Variants in TRIM37 observed in about 807,000 individuals in gnomAD.
TRIM37 encodes the protein tripartite motif containing 37.
Under a neutral mutation model 129.8 loss-of-function variants are expected in TRIM37, and 80 were observed. The observed-to-expected ratio is 0.62, with a 90% CI of 0.51 to 0.74. The LOEUF (loss-of-function observed/expected upper bound fraction) is 0.74, where lower values mean the gene tolerates loss of function less well. Ranked by LOEUF, TRIM37 falls within the 30% of genes least tolerant of loss-of-function variation. The pLI is 0.00. For synonymous variants in TRIM37, 389 were observed against 387.1 expected, an observed-to-expected ratio of 1.00 and a Z score of -0.06; for missense variants, 1,054 against 1,176.5, an observed-to-expected ratio of 0.90 and a Z score of 1.52.
intron 7 of TRIM37, among the ~76,000 whole-genome samples, chr17:59,076,546 C>A (rs1195340285): frequency 6.6e-6 from 1 of 152,122 alleles, no homozygotes; most frequent in Non-Finnish European, 1.5e-5. Flanking sequence ...GAGTGAGACC[C>A]TGTCTCAAAT....
chr17:59,041,052 CAA>C (rs959941717), intron 17 of TRIM37, among the ~76,000 whole-genome samples: 3 of 118,698 alleles, frequency 2.5e-5, no homozygotes, highest in Admixed American at 8.7e-5. Flanking sequence ...GACTCCGTCT[CAA>C]AAAAAAAAAA....
At position 58,999,212 on chromosome 17, in the gene TRIM37, A is replaced by G; in HGVS notation, c.*165T>C. 1 of 1,518,768 alleles carries G rather than the reference A, an allele frequency of 6.6e-7. No individual in the cohort carries two copies. Among genetic ancestry groups the G allele is most frequent in the Non-Finnish European group, 8.8e-7 (1 of 1,136,012 alleles). 94.1% of individuals were successfully genotyped at this position (1,518,768 alleles called of 1,614,324 possible). ...TTCCCATGTACTACTGCTGTCTTAGACTAAACTGTGCCACCTTCCAACAGT... is the reference window on the plus strand; with the variant it reads ...TTCCCATGTACTACTGCTGTCTTAGGCTAAACTGTGCCACCTTCCAACAGT... On this transcript the variant is annotated 3_prime_UTR_variant, in exon 24 of 24. Transcript: ENST00000262294.
intron 23 of TRIM37, among the ~76,000 whole-genome samples, chr17:59,000,366 A>T (rs2033541276): frequency 6.6e-6 from 1 of 152,208 alleles, no homozygotes; most frequent in Non-Finnish European, 1.5e-5. Flanking sequence ...TTGGGAGGCC[A>T]AGGTGGGCAG....
At chr17:58,973,162 A>G in the TRIM37 span, among the ~76,000 whole-genome samples, 1 of 152,234 alleles carries the variant, frequency 6.6e-6, no homozygotes, top group Non-Finnish European at 1.5e-5. Context: ...TCATGCCTGT[A>G]ATCCCAACAC....
At chr17:59,029,222 G>GTTCAAGAT (rs2037565662) in intron 18 of TRIM37, among the ~76,000 whole-genome samples, 1 of 152,272 alleles carries the variant, frequency 6.6e-6, no homozygotes, top group Admixed American at 6.5e-5. Context: ...GAGGCCAGAA[G>GTTCAAGAT]TTCAAGATCA....
chr17:59,052,299 A>T (rs2146223039), intron 13 of TRIM37, among the ~76,000 whole-genome samples: 1 of 152,244 alleles, frequency 6.6e-6, no homozygotes, highest in East Asian at 1.9e-4. Context: ...AGGTGAAAAA[A>T]TTGCAGTGCA....
At chr17:58,988,099 T>TTCGTAGGG (rs1483480026) in intron 24 of TRIM37, among the ~76,000 whole-genome samples, 4 of 152,174 alleles carry the variant, frequency 2.6e-5, no homozygotes, top group African/African-American at 4.8e-5. Flanking sequence ...TAGCACTAGT[T>TTCGTAGGG]TCGTAGGGTC....
chr17:58,981,067 A>G (rs1199600073), downstream of TRIM37: 11 of 1,400,412 alleles, frequency 7.9e-6, no homozygotes, highest in Admixed American at 1.7e-4. Flanking sequence ...CTCTCCCCCA[A>G]TAAAAATACC....
intron 3 of TRIM37, among the ~76,000 whole-genome samples, chr17:59,090,691 T>G (rs1297448698): frequency 6.6e-6 from 1 of 152,074 alleles, no homozygotes; most frequent in Non-Finnish European, 1.5e-5. Flanking sequence ...AGCAGTACGA[T>G]CTCAGCTCAC....
rs1393189355 is a variant in TRIM37 at position 58,998,436 on chromosome 17, T to G, written c.*941A>C. On this transcript the variant is annotated 3_prime_UTR_variant, in exon 24 of 24. Transcript: ENST00000262294. ...AAATATATAGCAGCTCAAACACAAA[T>G]GCAGGAGCACAATGGCAAAGTTTGG... 19 of 985,306 alleles carry G rather than the reference T, an allele frequency of 1.9e-5. No homozygotes were observed. The highest frequency in any genetic ancestry group is 6.1e-5 in the Admixed American group (1 of 16,266). The allele number at this position is 985,306 out of a possible 1,614,324, so 61.0% of individuals were successfully genotyped here.
intron 16 of TRIM37, among the ~76,000 whole-genome samples, chr17:59,043,695 T>C (rs984937931): frequency 6.6e-6 from 1 of 152,166 alleles, no homozygotes; most frequent in Non-Finnish European, 1.5e-5. Context: ...ATGATGAGAA[T>C]ACTGGGGCCC....
intron 6 of TRIM37, among the ~76,000 whole-genome samples, chr17:59,080,568 G>A (rs1431478296): frequency 6.6e-6 from 1 of 152,172 alleles, no homozygotes; most frequent in Non-Finnish European, 1.5e-5. Flanking sequence ...CAAGGCAGGT[G>A]GATCACGACG....
intron 21 of TRIM37, among the ~76,000 whole-genome samples, chr17:59,014,937 G>T (rs959733833): frequency 6.6e-6 from 1 of 151,052 alleles, no homozygotes; most frequent in Admixed American, 6.6e-5. Flanking sequence ...TCAGCTGGGC[G>T]TGGTGGTGGG....
At chr17:59,065,853 C>G (rs928634599) in intron 9 of TRIM37, among the ~76,000 whole-genome samples, 1 of 152,098 alleles carries the variant, frequency 6.6e-6, no homozygotes, top group Non-Finnish European at 1.5e-5. Context: ...ACAAATAATT[C>G]TTTATTTCAA....
At chr17:58,990,256 C>CGAGGCA (rs932793981) in intron 24 of TRIM37, among the ~76,000 whole-genome samples, 3 of 146,118 alleles carry the variant, frequency 2.1e-5, no homozygotes, top group African/African-American at 5.1e-5. Context: ...TTTAGGAGGC[C>CGAGGCA]GAGGCAAGCA....
chr17:59,075,802 G>T, intron 7 of TRIM37, 88 bp from the exon 8 acceptor site: 1 of 1,048,746 alleles, frequency 9.5e-7, no homozygotes, highest in Non-Finnish European at 1.5e-6. Flanking sequence ...TTAATAACAA[G>T]AAATACACTT....
chr17:58,983,078 C>T, intron 24 of TRIM37: 3 of 638,928 alleles, frequency 4.7e-6, no homozygotes. Context: ...AAAGTTACTA[C>T]ACATGCTAGG....
At chr17:59,099,931 G>A (rs947141087) in intron 2 of TRIM37, among the ~76,000 whole-genome samples, 13 of 152,172 alleles carry the variant, frequency 8.5e-5, no homozygotes, top group African/African-American at 2.9e-4. Flanking sequence ...AGGCTCCCAA[G>A]GAGCTGGGAT....
At chr17:59,026,739 G>A (rs930108137) in intron 19 of TRIM37, among the ~76,000 whole-genome samples, 1 of 152,092 alleles carries the variant, frequency 6.6e-6, no homozygotes, top group Non-Finnish European at 1.5e-5. Context: ...TTTGTGCTCT[G>A]GTCCCTGACC....
Sources: allele counts gnomAD v4.1 joint callset (sites outside exome capture counted in the v4.1 genomes callset), GRCh38; gene constraint gnomAD v4.1.1; transcripts MANE v1.5; gene names NCBI Gene and HGNC (gene_info 2026-07-23, HGNC 2026-07-21).